PCDH15: variants seen among roughly 807,000 people sequenced by gnomAD.
PCDH15 encodes protocadherin-15.
Under a neutral mutation model 178.5 loss-of-function variants are expected in PCDH15, and 129 were observed. That is an observed-to-expected ratio of 0.72 (90% confidence interval 0.63 to 0.84). The LOEUF (loss-of-function observed/expected upper bound fraction) is 0.84, where lower values mean the gene tolerates loss of function less well. Among genes scored for constraint, PCDH15 ranks in the 40% least tolerant of loss-of-function variants. The pLI is 0.00. For synonymous variants in PCDH15, 800 were observed against 732.0 expected (o/e 1.09, Z -1.50); for missense variants, 2,230 against 2,099.9 (o/e 1.06, Z -1.21).
In PCDH15 at chr10:54,808,228, T is replaced by A. The variant is rs565355198; in HGVS notation, c.-29+89222A>T. ...TTCAAGGAACAAATTTTGAAGCAAA[T>A]TTTAAAAATAATTTATTCTGTCTGT... On this transcript the variant is annotated intron_variant, in intron 3 of 5. Coordinates refer to the PCDH15 transcript ENST00000458638. Among the ~76,000 whole-genome samples the A allele has an allele frequency of 5.3e-5, 8 of 152,308 alleles. No individual in the cohort carries two copies. The South Asian group carries it at 1.7e-3, about 32-fold the overall frequency.
At chr10:55,204,295 T>A (rs1840333537) in intron 1 of PCDH15, among the ~76,000 whole-genome samples, 1 of 150,622 alleles carries the variant, frequency 6.6e-6, no homozygotes, top group African/African-American at 2.4e-5. Flanking sequence ...GAATTTTATG[T>A]ATATATACAC....
At chr10:55,089,205 T>C (rs2132033921) in intron 2 of PCDH15, among the ~76,000 whole-genome samples, 1 of 152,252 alleles carries the variant, frequency 6.6e-6, no homozygotes, top group Non-Finnish European at 1.5e-5. Flanking sequence ...CATTACATAA[T>C]TAAAGCATGT....
chr10:54,112,277 G>A (rs2095040182), intron 15 of PCDH15, among the ~76,000 whole-genome samples: 2 of 152,220 alleles, frequency 1.3e-5, no homozygotes, highest in African/African-American at 2.4e-5. Flanking sequence ...TTGTTGGAGA[G>A]GGGATTTCCT....
At chr10:54,104,489 G>A (rs1042942074) in intron 15 of PCDH15, among the ~76,000 whole-genome samples, 2 of 152,112 alleles carry the variant, frequency 1.3e-5, no homozygotes, top group African/African-American at 4.8e-5. Flanking sequence ...CTCTCACTCG[G>A]GAAAATCTTA....
chr10:53,877,482 CT>C lies in PCDH15; in HGVS notation c.3502-10626del, dbSNP rs970686961. On this transcript the variant is annotated intron_variant, in intron 26 of 37. Coordinates refer to ENST00000644397, the MANE Select transcript of PCDH15 (RefSeq NM_001384140.1). ...AAATATCCACTCTTAAACAGCTTATCTTTTACAATAATTCTGTAGTTATACA... is the reference window on the plus strand; with the variant it reads ...AAATATCCACTCTTAAACAGCTTATCTTTACAATAATTCTGTAGTTATACA... Among the ~76,000 whole-genome samples the C allele has an allele frequency of 1.0e-4, 11 of 105,788 alleles. No homozygotes were observed. The South Asian group carries it at 1.7e-3, about 16-fold the overall frequency. The allele number at this position is 105,788 out of a possible 152,430, so 69.4% of individuals were successfully genotyped here.
At chr10:55,614,959 T>A (rs1055701059) in intron 2 of PCDH15, among the ~76,000 whole-genome samples, 5 of 152,134 alleles carry the variant, frequency 3.3e-5, no homozygotes, top group Non-Finnish European at 7.4e-5. Flanking sequence ...ATTTTCCTTT[T>A]ATAGGAAGCT....
At chr10:54,707,193 A>T (rs2095373623) in intron 1 of PCDH15, among the ~76,000 whole-genome samples, 1 of 152,168 alleles carries the variant, frequency 6.6e-6, no homozygotes, top group African/African-American at 2.4e-5. Flanking sequence ...TTGCCTGATC[A>T]GCCCCAAAGA....
chr10:54,139,128 TAGA>T (rs1263653158), intron 14 of PCDH15, among the ~76,000 whole-genome samples: 1 of 152,182 alleles, frequency 6.6e-6, no homozygotes, highest in South Asian at 2.1e-4. Context: ...TGGTTTGGCA[TAGA>T]AGGTTATAGA....
intron 2 of PCDH15, among the ~76,000 whole-genome samples, chr10:55,083,440 A>G (rs1378794065): frequency 1.3e-5 from 2 of 151,926 alleles, no homozygotes; most frequent in East Asian, 3.9e-4. Flanking sequence ...TGAGAGACTC[A>G]CAGGTAGCAT....
At chr10:54,192,958 G>T (rs1199722792) in intron 11 of PCDH15, among the ~76,000 whole-genome samples, 1 of 152,128 alleles carries the variant, frequency 6.6e-6, no homozygotes, top group Non-Finnish European at 1.5e-5. Flanking sequence ...GACAAGAGGG[G>T]GCACCTGATG....
intron 9 of PCDH15, among the ~76,000 whole-genome samples, chr10:54,230,580 T>C (rs1016798606): frequency 6.6e-6 from 1 of 152,136 alleles, no homozygotes; most frequent in African/African-American, 2.4e-5. Flanking sequence ...ATTTCCAATA[T>C]GAGTATACTG....
At chr10:54,953,887 C>A (rs2131877226) in intron 2 of PCDH15, among the ~76,000 whole-genome samples, 1 of 151,212 alleles carries the variant, frequency 6.6e-6, no homozygotes, top group South Asian at 2.1e-4. Context: ...ATCTAAGTTT[C>A]TTTCTAGCAT....
chr10:54,358,814 T>C (rs1299418563), intron 5 of PCDH15, among the ~76,000 whole-genome samples: 1 of 151,710 alleles, frequency 6.6e-6, no homozygotes, highest in East Asian at 1.9e-4. Context: ...ATATACACCA[T>C]GGAATACTAT....
At chr10:55,360,695 A>T (rs1845206466) in intron 2 of PCDH15, among the ~76,000 whole-genome samples, 2 of 152,004 alleles carry the variant, frequency 1.3e-5, no homozygotes, top group African/African-American at 4.8e-5. Context: ...CAAACAATGA[A>T]TGGATATTCT....
At chr10:55,384,354 T>A (rs577025222) in intron 2 of PCDH15, among the ~76,000 whole-genome samples, 1 of 152,276 alleles carries the variant, frequency 6.6e-6, no homozygotes, top group South Asian at 2.1e-4. Context: ...TTTTGTTGAA[T>A]TTAATAAATT....
At chr10:55,543,946 C>T (rs1310567161) in intron 2 of PCDH15, among the ~76,000 whole-genome samples, 2 of 150,684 alleles carry the variant, frequency 1.3e-5, no homozygotes, top group Non-Finnish European at 3.0e-5. Context: ...AAATTCCTCC[C>T]TTAAAATATT....
At chr10:55,173,805 A>G (rs1163185225) in intron 1 of PCDH15, among the ~76,000 whole-genome samples, 1 of 152,000 alleles carries the variant, frequency 6.6e-6, no homozygotes, top group African/African-American at 2.4e-5. Context: ...CTTCCCTTAA[A>G]CTGAAACTTT....
chr10:55,114,951 A>T (rs1249382453), intron 2 of PCDH15, among the ~76,000 whole-genome samples: 1 of 152,228 alleles, frequency 6.6e-6, no homozygotes, highest in African/African-American at 2.4e-5. Flanking sequence ...ACACAAATTA[A>T]AAAGACTACA....
chr10:54,920,082 T>C (rs768773815), intron 2 of PCDH15, among the ~76,000 whole-genome samples: 1 of 152,208 alleles, frequency 6.6e-6, no homozygotes, highest in Non-Finnish European at 1.5e-5. Flanking sequence ...TCGTTTTGAG[T>C]TGAATAATTT....
Sources: allele counts gnomAD v4.1 joint callset (sites outside exome capture counted in the v4.1 genomes callset), GRCh38; gene constraint gnomAD v4.1.1; transcripts MANE v1.5; gene names NCBI Gene and HGNC (gene_info 2026-07-23, HGNC 2026-07-21).